KALRN: variants seen among roughly 807,000 people sequenced by gnomAD.
KALRN encodes the protein kalirin.
In KALRN, 70 loss-of-function variants were observed where a neutral mutation model predicts 353.7. The ratio of observed to expected loss-of-function variants is 0.20; its 90% CI spans 0.16 to 0.24. KALRN has a LOEUF of 0.24. Among genes scored for constraint, KALRN ranks in the 10% least tolerant of loss-of-function variants. The pLI, the probability that KALRN is intolerant of heterozygous loss-of-function variation, is 1.00. For synonymous variants in KALRN, 1,391 were observed against 1,434.8 expected, an observed-to-expected ratio of 0.97 and a Z score of 0.69; for missense variants, 2,791 against 3,756.7, an observed-to-expected ratio of 0.74 and a Z score of 6.72.
chr3:124,537,422 A>G (rs752734424), intron 33 of KALRN, among the ~76,000 whole-genome samples: 4 of 152,192 alleles, frequency 2.6e-5, no homozygotes, highest in Non-Finnish European at 5.9e-5. Context: ...CAAGGCAAAA[A>G]ATGTGCTGGA....
At position 124,462,521 on chromosome 3, in the gene KALRN, C is replaced by T. The variant is rs1158014788; in HGVS notation, c.3922-3C>T. The T allele has an allele frequency of 1.9e-6, 3 of 1,571,460 alleles. No homozygotes were observed. Among genetic ancestry groups the T allele is most frequent in the Admixed American group, 1.7e-5 (1 of 59,856 alleles). On this transcript the variant is annotated splice_region_variant and splice_polypyrimidine_tract_variant and intron_variant, in intron 24 of 59. Coordinates refer to ENST00000682506, the MANE Select transcript of KALRN (RefSeq NM_001388419.1). ...CAGTGATGAAACTGTTACTGTCTTA[C>T]AGACCTACCTGTGGGAAATGACCAG...
intron 34 of KALRN, among the ~76,000 whole-genome samples, chr3:124,568,193 T>G (rs1162672482): frequency 6.6e-6 from 1 of 152,182 alleles, no homozygotes; most frequent in Non-Finnish European, 1.5e-5. Flanking sequence ...GACAAAGGAC[T>G]TAAACAGAAA....
intron 13 of KALRN, among the ~76,000 whole-genome samples, chr3:124,401,107 A>T (rs905339589): frequency 7.9e-5 from 12 of 152,194 alleles, no homozygotes; most frequent in Non-Finnish European, 1.8e-4. Context: ...CTCCTAAAAA[A>T]CAATCCAAAG....
At chr3:124,649,795 ATAG>A (rs2083189694) in intron 37 of KALRN, among the ~76,000 whole-genome samples, 2 of 140,740 alleles carry the variant, frequency 1.4e-5, no homozygotes, top group African/African-American at 5.3e-5. Flanking sequence ...CTCAAAATAG[ATAG>A]ATAGATAGAT....
At chr3:124,228,165 G>A in intron 2 of KALRN, 101 bp downstream of exon 2, 2 of 983,006 alleles carry the variant, frequency 2.0e-6, no homozygotes, top group South Asian at 1.3e-5. Flanking sequence ...AGAAGTAGGG[G>A]TGGGGAAGTT....
At chr3:124,368,183 C>T (rs1168728796) in intron 10 of KALRN, among the ~76,000 whole-genome samples, 5 of 76,626 alleles carry the variant, frequency 6.5e-5, no homozygotes, top group African/African-American at 1.7e-4. Flanking sequence ...GCTGGCCGGG[C>T]GGGGGGCTGA....
intron 6 of KALRN, among the ~76,000 whole-genome samples, chr3:124,304,245 TGAA>T (rs374507507): frequency 3.5e-4 from 53 of 152,052 alleles, no homozygotes; most frequent in East Asian, 3.9e-4. Context: ...TTTAAAAAAA[TGAA>T]GAAGAAGAGT....
At chr3:124,480,162 G>T (rs1401258216) in intron 27 of KALRN, among the ~76,000 whole-genome samples, 1 of 152,004 alleles carries the variant, frequency 6.6e-6, no homozygotes, top group Non-Finnish European at 1.5e-5. Context: ...AGTGCCAAAG[G>T]TGCACTGTTG....
intron 1 of KALRN, among the ~76,000 whole-genome samples, chr3:124,189,573 C>A (rs571383360): frequency 3.3e-5 from 5 of 152,106 alleles, no homozygotes; most frequent in Non-Finnish European, 5.9e-5. Flanking sequence ...GAAGCCGAGG[C>A]GGGTGGATCA....
chr3:124,724,665 A>T lies in KALRN; in HGVS notation c.*5195A>T, dbSNP rs1246427839. 6.6e-6 allele frequency: 1 copy of T among 152,226 alleles called. No homozygotes were observed. The highest frequency in any genetic ancestry group is 2.4e-5 in the African/African-American group (1 of 41,452). The allele number at this position is 152,226 out of a possible 1,614,324, so 9.4% of individuals were successfully genotyped here. A position where few individuals can be genotyped will look rare whatever the true frequency, so the allele number is the denominator to read the frequency against. ...GGCTGAAATTTGTTTATAGCACTAAATGTTTTTAATAGGAAATTTACTCAC... is the reference window on the plus strand; with the variant it reads ...GGCTGAAATTTGTTTATAGCACTAATTGTTTTTAATAGGAAATTTACTCAC... On this transcript the variant is annotated 3_prime_UTR_variant, in exon 60 of 60. Coordinates refer to ENST00000682506, the MANE Select transcript of KALRN (RefSeq NM_001388419.1).
At chr3:124,138,859 C>T (rs2066271446) in intron 1 of KALRN, among the ~76,000 whole-genome samples, 1 of 152,190 alleles carries the variant, frequency 6.6e-6, no homozygotes, top group Non-Finnish European at 1.5e-5. Flanking sequence ...CTCCATGACA[C>T]TTCTGCTGGG....
At position 124,650,827 on chromosome 3, in the gene KALRN, AC is replaced by A; in HGVS notation, c.5686del (p.Arg1896GlyfsTer4). The A allele has an allele frequency of 6.2e-7, 1 of 1,613,738 alleles. No individual in the cohort carries two copies. ...KNKLSLEGSS[Y>X]RGSLKDPAGC... The stretch of plus-strand genomic sequence containing the variant: ...TTTCAGAGTCTAGAAGGAAGCTCAT[AC>A]CGGGGGAGCTTGAAAGACCCTGCAG... On this transcript the variant is annotated frameshift_variant, in exon 38 of 60. Coordinates refer to ENST00000682506, the MANE Select transcript of KALRN (RefSeq NM_001388419.1). LOFTEE classifies it high-confidence loss of function.
At chr3:124,245,237 A>C (rs1244148524) in intron 3 of KALRN, among the ~76,000 whole-genome samples, 4 of 152,192 alleles carry the variant, frequency 2.6e-5, no homozygotes, top group Non-Finnish European at 5.9e-5. Context: ...AGAACACACA[A>C]TATTTGCCTT....
At chr3:124,065,150 GAGA>G (rs1399442768) in intron 1 of KALRN, among the ~76,000 whole-genome samples, 2 of 152,188 alleles carry the variant, frequency 1.3e-5, no homozygotes, top group Admixed American at 1.3e-4. Context: ...TGGAGTAAGA[GAGA>G]AGGTTTCTTA....
chr3:124,198,067 C>A (rs1478793178), intron 1 of KALRN, among the ~76,000 whole-genome samples: 1 of 152,156 alleles, frequency 6.6e-6, no homozygotes. Flanking sequence ...AGACATATAA[C>A]AATGAGGTAT....
chr3:124,522,203 A>G (rs1186183674), intron 33 of KALRN, among the ~76,000 whole-genome samples: 1 of 151,948 alleles, frequency 6.6e-6, no homozygotes, highest in Admixed American at 6.6e-5. Flanking sequence ...ATGCACAGGC[A>G]TATATACATA....
chr3:124,696,121 T>C lies in KALRN; in HGVS notation c.7578-13T>C. 1 of 1,613,412 alleles carries C rather than the reference T, an allele frequency of 6.2e-7. No homozygotes were observed. The highest frequency in any genetic ancestry group is 2.2e-5 in the East Asian group (1 of 44,852). On this transcript the variant is annotated splice_polypyrimidine_tract_variant and intron_variant, in intron 53 of 59. Coordinates refer to ENST00000682506, the MANE Select transcript of KALRN (RefSeq NM_001388419.1). ...TTACTGGAGTCTGAAGAGCATCCTT[T>C]TGGTGTCCCTAGTGATTCTGGAGAA...
At chr3:124,532,213 T>C (rs999366592) in intron 33 of KALRN, among the ~76,000 whole-genome samples, 1 of 152,188 alleles carries the variant, frequency 6.6e-6, no homozygotes, top group African/African-American at 2.4e-5. Context: ...TTTACATAAG[T>C]GTAAGAACAT....
intron 1 of KALRN, among the ~76,000 whole-genome samples, chr3:124,148,776 T>C (rs538695338): frequency 2.6e-4 from 40 of 152,316 alleles, no homozygotes; most frequent in African/African-American, 9.6e-4. Context: ...AGAAGGTTAT[T>C]ATATATTCAT....
Sources: gnomAD v4.1 joint callset for allele counts (sites outside exome capture counted in the v4.1 genomes callset) on GRCh38, gnomAD v4.1.1 for gene constraint, MANE v1.5 for transcripts, NCBI Gene and HGNC (gene_info 2026-07-23, HGNC 2026-07-21) for gene names.